Variants in CAMTA1 observed in about 807,000 individuals in gnomAD.
CAMTA1 encodes calmodulin binding transcription activator 1.
Under a neutral mutation model 170.9 loss-of-function variants are expected in CAMTA1, and 27 were observed. The ratio of observed to expected loss-of-function variants is 0.16; its 90% CI spans 0.12 to 0.22. The LOEUF (loss-of-function observed/expected upper bound fraction) is 0.22. CAMTA1 is among the 10% of genes least tolerant of loss of function. The pLI, the probability that CAMTA1 is intolerant of heterozygous loss-of-function variation, is 1.00. For synonymous variants in CAMTA1, 833 were observed against 891.5 expected (o/e 0.93, Z 1.17); for missense variants, 1,619 against 2,217.2 (o/e 0.73, Z 5.42).
intron 6 of CAMTA1, among the ~76,000 whole-genome samples, chr1:7,629,344 A>T (rs2095653496): frequency 1.3e-5 from 2 of 152,180 alleles, no homozygotes; most frequent in Non-Finnish European, 2.9e-5. Context: ...CCAAAGAGAG[A>T]TGGCCCCCAG....
intron 4 of CAMTA1, among the ~76,000 whole-genome samples, chr1:7,218,373 A>G (rs1461163368): frequency 6.6e-6 from 1 of 152,166 alleles, no homozygotes; most frequent in Non-Finnish European, 1.5e-5. Flanking sequence ...GATGAAGACC[A>G]CTTACATCGC....
intron 3 of CAMTA1, among the ~76,000 whole-genome samples, chr1:6,873,419 T>A (rs1668950880): frequency 1.3e-5 from 2 of 152,110 alleles, no homozygotes; most frequent in Admixed American, 6.5e-5. Context: ...ATGGAAGCCA[T>A]GTGGGGGGCC....
intron 6 of CAMTA1, among the ~76,000 whole-genome samples, chr1:7,579,480 G>C (rs968061496): frequency 6.6e-6 from 1 of 151,962 alleles, no homozygotes; most frequent in African/African-American, 2.4e-5. Flanking sequence ...CCAAGGTCTC[G>C]GCACCTGGAG....
chr1:7,525,742 G>T (rs1006344138), intron 6 of CAMTA1, among the ~76,000 whole-genome samples: 9 of 152,138 alleles, frequency 5.9e-5, no homozygotes, highest in African/African-American at 2.2e-4. Flanking sequence ...TCCATCTCAG[G>T]TCACAGCCAA....
intron 6 of CAMTA1, among the ~76,000 whole-genome samples, chr1:7,537,600 G>C (rs556486745): frequency 2.7e-4 from 41 of 152,348 alleles, no homozygotes; most frequent in African/African-American, 7.9e-4. Context: ...AGGCCTCTCT[G>C]CTGAAGGGCA....
chr1:7,365,510 C>T (rs1039677094), intron 5 of CAMTA1, among the ~76,000 whole-genome samples: 2 of 152,078 alleles, frequency 1.3e-5, no homozygotes, highest in Non-Finnish European at 2.9e-5. Context: ...TGCAGCCAAG[C>T]GTCTTCTTTC....
At chr1:7,318,942 CGT>C (rs1249962079) in intron 5 of CAMTA1, among the ~76,000 whole-genome samples, 1 of 152,128 alleles carries the variant, frequency 6.6e-6, no homozygotes, top group Non-Finnish European at 1.5e-5. Flanking sequence ...AGCACGAAAT[CGT>C]GTGTGTTGGG....
Position 6,965,822 on chromosome 1 carries a change from A to G in CAMTA1, c.235-125482A>G, listed in dbSNP as rs577722051. On this transcript the variant is annotated intron_variant, in intron 3 of 22. Transcript: ENST00000303635. The surrounding 1 kb of genome is among the most constrained non-coding windows in gnomAD (Gnocchi z 4.1). ...GGAGCCTGAATGCGGCATTAACTGCATATCAGAGACCCTTTCAGAAGCCAA... is the reference window on the plus strand; with the variant it reads ...GGAGCCTGAATGCGGCATTAACTGCGTATCAGAGACCCTTTCAGAAGCCAA... Among the ~76,000 whole-genome samples the G allele has an allele frequency of 1.3e-5, 2 of 152,344 alleles. No homozygotes were observed. The highest frequency in any genetic ancestry group is 2.1e-4 in the South Asian group (1 of 4,832).
chr1:7,051,679 A>G (rs1572702041), intron 3 of CAMTA1, among the ~76,000 whole-genome samples: 1 of 151,914 alleles, frequency 6.6e-6, no homozygotes, highest in East Asian at 1.9e-4. Context: ...GGACAGACTC[A>G]TCCCTGTTTG....
At chr1:6,833,442 A>G (rs1352501221) in intron 3 of CAMTA1, among the ~76,000 whole-genome samples, 2 of 152,348 alleles carry the variant, frequency 1.3e-5, no homozygotes, top group East Asian at 3.9e-4. Context: ...CAAAACTAAT[A>G]AAGTTTTATA....
chr1:6,911,225 G>A lies in CAMTA1; in HGVS notation c.234+86015G>A, dbSNP rs544588466. Among the ~76,000 whole-genome samples the A allele has an allele frequency of 2.6e-5, 4 of 152,308 alleles. No homozygotes were observed. The East Asian group carries it at 7.7e-4, about 29-fold the overall frequency. On this transcript the variant is annotated intron_variant, in intron 3 of 22. Coordinates refer to ENST00000303635, the MANE Select transcript of CAMTA1 (RefSeq NM_015215.4). The stretch of plus-strand genomic sequence containing the variant: ...CGTTAGCTCAGGACTGGGAGCTGGT[G>A]GCAAATGGCAGGCTGGCTCTGTGAG...
chr1:7,130,141 G>C (rs932155135), intron 4 of CAMTA1, among the ~76,000 whole-genome samples: 26 of 152,158 alleles, frequency 1.7e-4, no homozygotes. Context: ...GTTTCACCAT[G>C]TTGGCCAGGA....
intron 7 of CAMTA1, among the ~76,000 whole-genome samples, chr1:7,658,109 C>T (rs551316158): frequency 4.0e-4 from 61 of 152,276 alleles, no homozygotes; most frequent in African/African-American, 1.4e-3. Flanking sequence ...AGCCTGAAGG[C>T]CGAAGCCAGA....
At chr1:7,266,263 A>C (rs1668912790) in intron 5 of CAMTA1, among the ~76,000 whole-genome samples, 1 of 152,214 alleles carries the variant, frequency 6.6e-6, no homozygotes, top group African/African-American at 2.4e-5. Flanking sequence ...GCCATGTGCC[A>C]GGGTGCCTGG....
At chr1:7,085,577 C>T (rs72640069) in intron 3 of CAMTA1, among the ~76,000 whole-genome samples, 9,945 of 152,334 alleles carry the variant, frequency 0.065, 452 homozygotes, top group Admixed American at 0.15. Context: ...CTGCAGTGCA[C>T]TGTGGAGGGA....
At chr1:7,217,501 C>T (rs1040936775) in intron 4 of CAMTA1, among the ~76,000 whole-genome samples, 1 of 152,004 alleles carries the variant, frequency 6.6e-6, no homozygotes, top group African/African-American at 2.4e-5. Context: ...CATAAGTAAA[C>T]CCATTCACTT....
chr1:7,393,486 C>T (rs1021679255), intron 5 of CAMTA1, among the ~76,000 whole-genome samples: 1 of 152,064 alleles, frequency 6.6e-6, no homozygotes, highest in Admixed American at 6.6e-5. Flanking sequence ...CTATGTTGCC[C>T]AGGCTGGTCT....
At chr1:6,834,839 A>G (rs1484501678) in intron 3 of CAMTA1, among the ~76,000 whole-genome samples, 2 of 152,208 alleles carry the variant, frequency 1.3e-5, no homozygotes, top group African/African-American at 4.8e-5. Flanking sequence ...CTCGCTCGCC[A>G]TGTTGCCCAG....
chr1:6,842,069 C>T (rs1046557943), intron 3 of CAMTA1, among the ~76,000 whole-genome samples: 1 of 152,230 alleles, frequency 6.6e-6, no homozygotes, highest in Non-Finnish European at 1.5e-5. Flanking sequence ...TCCTGCCCCC[C>T]AACCACTTCC....
Sources: allele counts gnomAD v4.1 joint callset (sites outside exome capture counted in the v4.1 genomes callset), GRCh38; gene constraint gnomAD v4.1.1; non-coding constraint Gnocchi (gnomAD v3.1); transcripts MANE v1.5; gene names NCBI Gene and HGNC (gene_info 2026-07-23, HGNC 2026-07-21).